CSMD1: variants seen among roughly 807,000 people sequenced by gnomAD.
CSMD1 encodes the protein CUB and sushi domain-containing protein 1.
Under a neutral mutation model 417.5 loss-of-function variants are expected in CSMD1, and 213 were observed. That is an observed-to-expected ratio of 0.51 (90% confidence interval 0.46 to 0.57). The LOEUF (loss-of-function observed/expected upper bound fraction) is 0.57, where lower values mean the gene tolerates loss of function less well. CSMD1 is among the 20% of genes least tolerant of loss of function. The pLI is 0.00. For missense variants in CSMD1, 6,923 were observed against 4,529.7 expected (o/e 1.53, Z -15.17); for synonymous variants, 2,862 against 1,736.8 (o/e 1.65, Z -16.11).
At chr8:4,158,143 C>A (rs564645515) in intron 3 of CSMD1, among the ~76,000 whole-genome samples, 124 of 151,486 alleles carry the variant, frequency 8.2e-4, no homozygotes, top group Middle Eastern at 6.8e-3. Flanking sequence ...TGAGGTCAGA[C>A]CATTCTCCCT....
At chr8:4,435,381 C>T (rs200479829) in intron 2 of CSMD1, among the ~76,000 whole-genome samples, 2 of 152,162 alleles carry the variant, frequency 1.3e-5, no homozygotes, top group Non-Finnish European at 2.9e-5. Context: ...ACTCAGAGTT[C>T]CTGCAGTGTG....
rs543240112 is a variant in CSMD1, at chr8:4,608,832, A to G, written c.302+28510T>C. Among the ~76,000 whole-genome samples, 6 of 152,324 alleles carry G rather than the reference A, an allele frequency of 3.9e-5. No homozygotes were observed. The East Asian group carries it at 9.7e-4, about 25-fold the overall frequency. ...TAAGCATGCTAAGGCATATGGGCAG[A>G]AGAAGAGATTGCTTTCTATAGAACA... On this transcript the variant is annotated intron_variant, in intron 2 of 69. Transcript: ENST00000635120.
At chr8:4,844,366 T>G (rs1211799122) in intron 1 of CSMD1, among the ~76,000 whole-genome samples, 2 of 152,134 alleles carry the variant, frequency 1.3e-5, no homozygotes, top group Non-Finnish European at 2.9e-5. Flanking sequence ...TGGGAAAAAC[T>G]CATGCCCTTC....
intron 26 of CSMD1, among the ~76,000 whole-genome samples, chr8:3,267,295 A>G (rs1429015284): frequency 6.6e-6 from 1 of 152,212 alleles, no homozygotes; most frequent in African/African-American, 2.4e-5. Flanking sequence ...GCGTCTCACA[A>G]GGCGTGATAT....
chr8:3,515,182 T>C (rs995520537), intron 10 of CSMD1: 2 of 152,224 alleles, frequency 1.3e-5, no homozygotes, highest in African/African-American at 2.4e-5. Flanking sequence ...CTACTCTCTA[T>C]GAAATTTTAA....
intron 1 of CSMD1, among the ~76,000 whole-genome samples, chr8:4,699,900 C>G (rs1807407204): frequency 6.6e-6 from 1 of 152,132 alleles, no homozygotes; most frequent in Admixed American, 6.5e-5. Context: ...TAATGGAATC[C>G]TTTGGAAGAT....
chr8:3,648,379 A>C (rs533312062), intron 7 of CSMD1, among the ~76,000 whole-genome samples: 5 of 152,310 alleles, frequency 3.3e-5, no homozygotes, highest in African/African-American at 1.2e-4. Context: ...TCAAATTAAG[A>C]CTTTGTGAGA....
At chr8:3,718,017 G>A (rs572000515) in intron 6 of CSMD1, among the ~76,000 whole-genome samples, 2 of 152,096 alleles carry the variant, frequency 1.3e-5, no homozygotes, top group African/African-American at 2.4e-5. Flanking sequence ...CTTAACTAAA[G>A]CCTCTCTGCC....
intron 3 of CSMD1, among the ~76,000 whole-genome samples, chr8:4,142,870 A>G (rs1051635657): frequency 2.6e-5 from 4 of 151,186 alleles, no homozygotes; most frequent in African/African-American, 4.9e-5. Flanking sequence ...TCATCATTTG[A>G]TAATATGATT....
chr8:3,655,462 A>G (rs1367484578), intron 7 of CSMD1, among the ~76,000 whole-genome samples: 2 of 152,214 alleles, frequency 1.3e-5, no homozygotes, highest in Admixed American at 6.5e-5. Context: ...ACATAATTAT[A>G]ATGACAAACA....
intron 11 of CSMD1, among the ~76,000 whole-genome samples, chr8:3,479,251 A>G (rs1454734251): frequency 6.6e-6 from 1 of 152,102 alleles, no homozygotes; most frequent in Admixed American, 6.6e-5. Context: ...GTGGGTACAA[A>G]AGCAATTGCA....
chr8:4,303,550 T>A (rs187919237), intron 3 of CSMD1, among the ~76,000 whole-genome samples: 5 of 152,092 alleles, frequency 3.3e-5, no homozygotes, highest in Middle Eastern at 3.4e-3. Context: ...AAATAAATTT[T>A]AAAAAATTTC....
At position 4,898,599 on chromosome 8, in the gene CSMD1, G is replaced by A. The variant is rs537783113; in HGVS notation, c.85+95733C>T. Among the ~76,000 whole-genome samples the A allele has an allele frequency of 2.6e-5, 4 of 152,258 alleles. No homozygotes were observed. The South Asian group carries it at 8.3e-4, about 32-fold the overall frequency. Reference sequence around the variant, plus strand: ...AAATCATATCCTAGTTCTTTGAATGGCTAATAACGACAGTGTCTGGAATGA... The same window carrying A: ...AAATCATATCCTAGTTCTTTGAATGACTAATAACGACAGTGTCTGGAATGA... On this transcript the variant is annotated intron_variant, in intron 1 of 69. Transcript: ENST00000635120.
chr8:3,258,516 A>C (rs865892198), intron 26 of CSMD1, among the ~76,000 whole-genome samples: 1 of 152,248 alleles, frequency 6.6e-6, no homozygotes, highest in South Asian at 2.1e-4. Flanking sequence ...TAGTTCAACC[A>C]TTATGGAAGA....
At chr8:3,169,201 G>A (rs934164063) in intron 37 of CSMD1, among the ~76,000 whole-genome samples, 4 of 152,142 alleles carry the variant, frequency 2.6e-5, no homozygotes, top group Non-Finnish European at 5.9e-5. Context: ...GTGAATTACA[G>A]ACTCCACCCC....
chr8:3,302,903 G>T (rs1804528258), intron 25 of CSMD1, among the ~76,000 whole-genome samples: 1 of 152,100 alleles, frequency 6.6e-6, no homozygotes, highest in Non-Finnish European at 1.5e-5. Flanking sequence ...GGGGTTGCAG[G>T]TTTCTTTCCT....
At chr8:4,372,497 A>AAG in intron 3 of CSMD1, among the ~76,000 whole-genome samples, 1 of 152,106 alleles carries the variant, frequency 6.6e-6, no homozygotes, top group Non-Finnish European at 1.5e-5. Flanking sequence ...ACAACAACAA[A>AAG]AAACAGAAAA....
chr8:3,110,668 A>T (rs761177125), intron 42 of CSMD1, among the ~76,000 whole-genome samples: 6 of 152,222 alleles, frequency 3.9e-5, no homozygotes, highest in Non-Finnish European at 5.9e-5. Flanking sequence ...GTCCAGCACA[A>T]TGAATTATGG....
chr8:4,560,565 A>G (rs532567323), intron 2 of CSMD1, among the ~76,000 whole-genome samples: 1 of 152,352 alleles, frequency 6.6e-6, no homozygotes, highest in South Asian at 2.1e-4. Flanking sequence ...AGTGTGAGCT[A>G]AAACACTGTG....
Sources: allele counts gnomAD v4.1 joint callset (sites outside exome capture counted in the v4.1 genomes callset), GRCh38; gene constraint gnomAD v4.1.1; transcripts MANE v1.5; gene names NCBI Gene and HGNC (gene_info 2026-07-23, HGNC 2026-07-21).